Variants in ZFP37 observed in about 807,000 individuals in gnomAD.
ZFP37 encodes zinc finger protein 37 homolog.
ZFP37 carries 38 observed loss-of-function variants against 52.1 expected under a neutral mutation model. That is an observed-to-expected ratio of 0.73 (90% CI 0.56 to 0.96). ZFP37 has a LOEUF of 0.96. Ranked by LOEUF, ZFP37 falls within the 40% of genes least tolerant of loss-of-function variation. The probability of loss-of-function intolerance (pLI) is 0.00; values close to 1 mark genes in which losing one functional copy is unlikely to be tolerated. For synonymous variants in ZFP37, 253 were observed against 259.5 expected (o/e 0.98, Z 0.24); for missense variants, 695 against 741.4 (o/e 0.94, Z 0.73).
chr9:113,044,286 G>A lies in ZFP37; in HGVS notation c.350-18C>T. 6.5e-7 allele frequency: 1 copy of A among 1,532,078 alleles called. No homozygotes were observed. Among genetic ancestry groups the A allele is most frequent in the Non-Finnish European group, 8.7e-7 (1 of 1,146,958 alleles). The allele number at this position is 1,532,078 out of a possible 1,614,324, so 94.9% of individuals were successfully genotyped here. A position where few individuals can be genotyped will look rare whatever the true frequency, so the allele number is the denominator to read the frequency against. On this transcript the variant is annotated intron_variant, in intron 3 of 3. Coordinates refer to ENST00000374227, the MANE Select transcript of ZFP37 (RefSeq NM_003408.3). ...CTGGACTTCTAAAATGGAATTCAGTGAGATATTCTTGTGAATCTTTGTACT... is the reference window on the plus strand; with the variant it reads ...CTGGACTTCTAAAATGGAATTCAGTAAGATATTCTTGTGAATCTTTGTACT...
At chr9:113,045,609 G>A (rs955502549) in intron 3 of ZFP37, among the ~76,000 whole-genome samples, 2 of 152,100 alleles carry the variant, frequency 1.3e-5, no homozygotes, top group Admixed American at 6.6e-5. Flanking sequence ...TCCCTTCTCT[G>A]AGACCATTAC....
chr9:113,049,104 T>C (rs758491946), intron 3 of ZFP37, among the ~76,000 whole-genome samples: 2 of 152,154 alleles, frequency 1.3e-5, no homozygotes, highest in Non-Finnish European at 2.9e-5. Flanking sequence ...ACAGGTGATA[T>C]AACCAAACTC....
intron 3 of ZFP37, among the ~76,000 whole-genome samples, chr9:113,047,066 G>A (rs1236752154): frequency 1.3e-5 from 2 of 149,684 alleles, no homozygotes; most frequent in Admixed American, 1.3e-4. Context: ...CCGAGATTGC[G>A]CCACTGCACT....
intron 3 of ZFP37, 152 bp downstream of exon 3, chr9:113,049,210 G>A: frequency 1.1e-6 from 1 of 893,512 alleles, no homozygotes. Flanking sequence ...AATCTCTCAG[G>A]TTACAGAATC....
rs1284829472 is a variant in ZFP37 at position 113,039,923 on chromosome 9, C to T, written c.*2802G>A. ...CAGCAGCACAGGAATCCACTGGAAACTTATTAAAATGCAAATTCTCAAGGC... is the reference window on the plus strand; with the variant it reads ...CAGCAGCACAGGAATCCACTGGAAATTTATTAAAATGCAAATTCTCAAGGC... On this transcript the variant is annotated 3_prime_UTR_variant, in exon 4 of 4. Transcript: ENST00000374227. 1 of 152,162 alleles carries T rather than the reference C, an allele frequency of 6.6e-6. No homozygotes were observed. The highest frequency in any genetic ancestry group is 1.5e-5 in the Non-Finnish European group (1 of 68,026). 9.4% of individuals were successfully genotyped at this position (152,162 alleles called of 1,614,324 possible). A position where few individuals can be genotyped will look rare whatever the true frequency, so the allele number is the denominator to read the frequency against.
Position 113,049,438 on chromosome 9 carries a change from C to A in ZFP37, c.273G>T (p.Trp91Cys). Reference protein sequence around the residue: ...ISKLEKGEAPWLGKGKRPSQG... With the variant: ...ISKLEKGEAPCLGKGKRPSQG... ...GACTGGGTCTTTTCCCCTTCCCCAA[C>A]CATGGTGCTTCTCCTTTTTCCAACT... Residue 91 changes from tryptophan (W) to cysteine (C), a missense_variant, in exon 3 of 4, where the codon TGG becomes TGT. Physicochemically the swap from Trp to Cys is radical, Grantham distance 215 (BLOSUM62 -2). Around this residue, in one of 2 missense-constraint regions of ZFP37, gnomAD observed 369 missense variants for 340.9 expected, o/e 1.08. Transcript: ENST00000374227. The A allele has an allele frequency of 6.2e-7, 1 of 1,614,108 alleles. No homozygotes were observed. Among genetic ancestry groups the A allele is most frequent in the Non-Finnish European group, 8.5e-7 (1 of 1,179,988 alleles).
chr9:113,056,291 T>C (rs1829142636), intron 1 of ZFP37, among the ~76,000 whole-genome samples: 1 of 152,054 alleles, frequency 6.6e-6, no homozygotes, highest in South Asian at 2.1e-4. Context: ...AAAGCCTCCA[T>C]TTCTGATCTC....
rs116674524 is a variant in ZFP37, at chr9:113,046,496, A to G, written c.350-2228T>C. Among the ~76,000 whole-genome samples, 631 of 152,252 alleles carry G rather than the reference A, an allele frequency of 4.1e-3. 5 individuals carry two copies. Among genetic ancestry groups the G allele is most frequent in the African/African-American group, 0.014 (595 of 41,540 alleles). On this transcript the variant is annotated intron_variant, in intron 3 of 3. Transcript: ENST00000374227. ...AACTTTCCCCTTGACATGTAATATT[A>G]TAAGAACCTTTACAATGATGAATTT...
chr9:113,053,904 A>ATTTG (rs1051210983), intron 1 of ZFP37, among the ~76,000 whole-genome samples: 4 of 152,036 alleles, frequency 2.6e-5, no homozygotes, highest in African/African-American at 9.7e-5. Flanking sequence ...TCTCCCTTTT[A>ATTTG]TTTGGGTCAT....
chr9:113,042,777 G>A lies in ZFP37; in HGVS notation c.1841C>T (p.Ala614Val), dbSNP rs1423634224. 1.9e-6 allele frequency: 3 copies of A among 1,607,210 alleles called. No homozygotes were observed. Among genetic ancestry groups the A allele is most frequent in the South Asian group, 1.1e-5 (1 of 89,748 alleles). ...AGTTTTCACATGTTTGGTTAGGGAT[G>A]CATTTTGTTTGAAAGTTTTCCCACA... is the stretch of plus-strand genomic sequence containing the variant. ...NECGKTFKQN[A>V]SLTKHVKTHS... is the part of the protein sequence containing the mutation. The change falls in exon 4 of 4, where the codon GCA becomes GTA. Residue 614 changes from alanine (A) to valine (V), a missense_variant. Physicochemically the swap from Ala to Val is moderately conservative, Grantham distance 64. Coordinates refer to ENST00000374227, the MANE Select transcript of ZFP37 (RefSeq NM_003408.3).
At position 113,042,641 on chromosome 9, in the gene ZFP37, G is replaced by A; in HGVS notation, c.*84C>T. 8.2e-7 allele frequency: 1 copy of A among 1,224,258 alleles called. No homozygotes were observed. Among genetic ancestry groups the A allele is most frequent in the Non-Finnish European group, 1.1e-6 (1 of 901,762 alleles). The allele number at this position is 1,224,258 out of a possible 1,614,324, so 75.8% of individuals were successfully genotyped here. On this transcript the variant is annotated 3_prime_UTR_variant, in exon 4 of 4. Coordinates refer to ENST00000374227, the MANE Select transcript of ZFP37 (RefSeq NM_003408.3). ...CAACAAGGTGTGACATCTTGCTAAAGGCTTTCTAACACTCTTTAAAATCAG... is the reference window on the plus strand; with the variant it reads ...CAACAAGGTGTGACATCTTGCTAAAAGCTTTCTAACACTCTTTAAAATCAG...
At chr9:113,049,258 AT>A (rs1156556024) in intron 3 of ZFP37, 103 bp downstream of exon 3, 2 of 1,292,172 alleles carry the variant, frequency 1.5e-6, no homozygotes, top group Non-Finnish European at 1.1e-6. Context: ...GGAAATCCTG[AT>A]TTTTTCTATT....
intron 3 of ZFP37, among the ~76,000 whole-genome samples, chr9:113,046,083 G>A (rs1828944409): frequency 6.6e-6 from 1 of 151,810 alleles, no homozygotes; most frequent in Admixed American, 6.6e-5. Context: ...AAGGACATTA[G>A]AGAGATTAAT....
At chr9:113,047,575 C>A (rs563505247) in intron 3 of ZFP37, among the ~76,000 whole-genome samples, 6 of 151,906 alleles carry the variant, frequency 3.9e-5, no homozygotes, top group African/African-American at 1.4e-4. Context: ...CACAGCAAGA[C>A]CCTGTCTCTA....
chr9:113,046,632 T>C (rs1828962639), intron 3 of ZFP37, among the ~76,000 whole-genome samples: 1 of 152,166 alleles, frequency 6.6e-6, no homozygotes, highest in Non-Finnish European at 1.5e-5. Flanking sequence ...TATAGTAATA[T>C]GGGTCTGGAA....
chr9:113,050,691 G>A (rs1355209348), intron 1 of ZFP37, among the ~76,000 whole-genome samples: 1 of 151,998 alleles, frequency 6.6e-6, no homozygotes, highest in Non-Finnish European at 1.5e-5. Flanking sequence ...TGGATCATGT[G>A]AGGTCAGGAG....
chr9:113,049,653 G>A (rs1829021862), intron 2 of ZFP37, 138 bp downstream of exon 2: 2 of 1,431,936 alleles, frequency 1.4e-6, no homozygotes, highest in Non-Finnish European at 1.9e-6. Context: ...TTGGAGGCAG[G>A]GGCACAAATA....
rs1310232525 is a variant in ZFP37 at position 113,040,713 on chromosome 9, GACT to G, written c.*2009_*2011del. 3.9e-5 allele frequency: 6 copies of G among 152,130 alleles called. No homozygotes were observed. The highest frequency in any genetic ancestry group is 4.4e-5 in the Non-Finnish European group (3 of 68,024). 9.4% of individuals were successfully genotyped at this position (152,130 alleles called of 1,614,324 possible). On this transcript the variant is annotated 3_prime_UTR_variant, in exon 4 of 4. Coordinates refer to ENST00000374227, the MANE Select transcript of ZFP37 (RefSeq NM_003408.3). ...ATATTTACTCAACAGGATTGAACAT[GACT>G]AGACAAGTCCCGATTACTGCTCATA...
chr9:113,043,240 G>T lies in ZFP37; in HGVS notation c.1378C>A (p.Pro460Thr). 6.2e-7 allele frequency: 1 copy of T among 1,613,946 alleles called. No homozygotes were observed. The highest frequency in any genetic ancestry group is 8.5e-7 in the Non-Finnish European group (1 of 1,179,970). The change falls in exon 4 of 4, where the codon CCC becomes ACC. Residue 460 changes from proline (P) to threonine (T), a missense_variant. By Grantham distance (38) the Pro-to-Thr change is conservative. This residue lies in a region of ZFP37 where 326 missense variants were observed against 400.5 expected (regional missense o/e 0.81). Transcript: ENST00000374227. ...TTCCCACATTCATTACATTCAAAGG[G>T]TTTCTCACCTGTATGAATTCTCATG... Reference protein sequence around the residue: ...KHMRIHTGEKPFECNECGKAF... With the variant: ...KHMRIHTGEKTFECNECGKAF...
Sources: gnomAD v4.1 joint callset for allele counts (sites outside exome capture counted in the v4.1 genomes callset) on GRCh38, gnomAD v4.1.1 for gene constraint, gnomAD v4.1.1 regional missense constraint, MANE v1.5 for transcripts, NCBI Gene and HGNC (gene_info 2026-07-23, HGNC 2026-07-21) for gene names.